The following APOA1 variants were observed in gnomAD, a reference collection of about 807,000 sequenced individuals.
The protein encoded by APOA1 is apolipoprotein A-I.
A neutral mutation model predicts 25.9 loss-of-function variants in APOA1; 22 were observed. That is an observed-to-expected ratio of 0.85 (90% confidence interval 0.61 to 1.21). APOA1 has a LOEUF of 1.21. Among genes scored for constraint, APOA1 ranks in the 50% most tolerant of loss-of-function variants. The pLI is 0.00. For synonymous variants in APOA1, 163 were observed against 152.2 expected, an observed-to-expected ratio of 1.07 and a Z score of -0.52; for missense variants, 351 against 347.9, an observed-to-expected ratio of 1.01 and a Z score of -0.07.
In APOA1 at chr11:116,837,399, G is replaced by A. The variant is rs781068686; in HGVS notation, c.-12C>T. ...ACCGCAGCTTTCATCCTGAAGGGCC[G>A]TGGGGGACCTGGAGGAGAAGAAGGG... On this transcript the variant is annotated 5_prime_UTR_variant, in exon 2 of 4. The change creates a new upstream start codon in the 5' untranslated region. Coordinates refer to ENST00000236850, the MANE Select transcript of APOA1 (RefSeq NM_000039.3). 1.8e-5 allele frequency: 28 copies of A among 1,556,244 alleles called. No homozygotes were observed. Among genetic ancestry groups the A allele is most frequent in the Non-Finnish European group, 2.3e-5 (26 of 1,149,580 alleles).
rs565203809 is a variant in APOA1, at chr11:116,836,399, A to C, written c.213T>G (p.Leu71=). The C allele has an allele frequency of 7.4e-6, 12 of 1,613,902 alleles. No individual in the cohort carries two copies. Among genetic ancestry groups the C allele is most frequent in the East Asian group, 4.5e-5 (2 of 44,880 alleles). Residue 71 remains leucine (L), a synonymous_variant, in exon 4 of 4, where the codon CTT becomes CTG. Transcript: ENST00000236850. The part of the protein sequence containing the change: ...ALGKQLNLKL[L]DNWDSVTSTF... ...TGGAGGTCACGCTGTCCCAGTTGTCAAGGAGCTTTAGGCTGGAGGGTGAGA... is the reference window on the plus strand; with the variant it reads ...TGGAGGTCACGCTGTCCCAGTTGTCCAGGAGCTTTAGGCTGGAGGGTGAGA...
At chr11:116,837,283 G>C in intron 2 of APOA1, 62 bp downstream of exon 2, 1 of 1,591,238 alleles carries the variant, frequency 6.3e-7, no homozygotes, top group South Asian at 1.1e-5. Flanking sequence ...AGGAGGGTGG[G>C]CCACGGGGAT....
Position 116,836,253 on chromosome 11 carries a change from T to C in APOA1, c.359A>G (p.Lys120Arg). The C allele has an allele frequency of 6.2e-7, 1 of 1,614,192 alleles. No homozygotes were observed. Among genetic ancestry groups the C allele is most frequent in the East Asian group, 2.2e-5 (1 of 44,876 alleles). The part of the protein sequence containing the change: ...MSKDLEEVKA[K>R]VQPYLDDFQK... ...GAAGTCGTCCAGGTAGGGCTGCACC[T>C]TGGCCTTCACCTCCTCCAGATCCTT... Residue 120 changes from lysine (K) to arginine (R), a missense_variant, in exon 4 of 4, where the codon AAG becomes AGG. Physicochemically the swap from Lys to Arg is conservative, Grantham distance 26. Coordinates refer to ENST00000236850, the MANE Select transcript of APOA1 (RefSeq NM_000039.3).
At chr11:116,837,201 G>C in intron 2 of APOA1, 44 bp from the exon 3 acceptor site, 1 of 1,608,742 alleles carries the variant, frequency 6.2e-7, no homozygotes. Flanking sequence ...GCTGTGGGCT[G>C]AGATCTGAGC....
In APOA1 at chr11:116,836,040, C is replaced by T. The variant is rs1941534953; in HGVS notation, c.572G>A (p.Ser191Asn). The change falls in exon 4 of 4, where the codon AGC becomes AAC. Residue 191 changes from serine to asparagine, a missense_variant. Coordinates refer to ENST00000236850, the MANE Select transcript of APOA1 (RefSeq NM_000039.3). ...GGCCAAGCGCTGGCGCAGCTCGTCG[C>T]TGTAGGGGGCCAGATGCGTGCGCAG... ...DALRTHLAPY[S>N]DELRQRLAAR... 2.5e-6 allele frequency: 4 copies of T among 1,605,990 alleles called. No individual in the cohort carries two copies. Among genetic ancestry groups the T allele is most frequent in the Non-Finnish European group, 2.5e-6 (3 of 1,179,402 alleles).
Position 116,837,117 on chromosome 11 carries a change from G to A in APOA1, c.84C>T (p.Pro28=), listed in dbSNP as rs369066087. Residue 28 remains proline (P), a synonymous_variant, in exon 3 of 4, where the codon CCC becomes CCT. Transcript: ENST00000236850. The part of the protein sequence containing the change: ...ARHFWQQDEP[P]QSPWDRVKDL... ...CCTTCACTCGATCCCAGGGGCTCTGGGGGGGTTCATCTTGCTGCCAGAAAT... is the reference window on the plus strand; with the variant it reads ...CCTTCACTCGATCCCAGGGGCTCTGAGGGGGTTCATCTTGCTGCCAGAAAT... 8.7e-6 allele frequency: 14 copies of A among 1,613,640 alleles called. No individual in the cohort carries two copies. Among genetic ancestry groups the A allele is most frequent in the African/African-American group, 5.3e-5 (4 of 74,926 alleles).
intron 3 of APOA1, 144 bp from the exon 4 acceptor site, chr11:116,836,555 G>T: frequency 8.6e-7 from 1 of 1,163,008 alleles, no homozygotes; most frequent in Non-Finnish European, 1.2e-6. Context: ...GCCCCGCCAG[G>T]CCATGCCCCG....
chr11:116,836,116 T>C lies in APOA1; in HGVS notation c.496A>G (p.Ser166Gly). Reference protein sequence around the residue: ...QKLHELQEKLSPLGEEMRDRA... With the variant: ...QKLHELQEKLGPLGEEMRDRA... ...TCGCGCATCTCCTCGCCCAGTGGGCTCAGCTTCTCTTGCAGCTCGTGCAGC... is the reference window on the plus strand; with the variant it reads ...TCGCGCATCTCCTCGCCCAGTGGGCCCAGCTTCTCTTGCAGCTCGTGCAGC... Residue 166 changes from serine to glycine, a missense_variant, in exon 4 of 4, where the codon AGC (serine) becomes GGC (glycine). Transcript: ENST00000236850. 6.2e-7 allele frequency: 1 copy of C among 1,612,134 alleles called. No homozygotes were observed. The highest frequency in any genetic ancestry group is 8.5e-7 in the Non-Finnish European group (1 of 1,179,934).
rs1941547477 is a variant in APOA1, at chr11:116,836,304, G to A, written c.308C>T (p.Thr103Ile). The stretch of plus-strand genomic sequence containing the variant: ...GCTCATCTCCTGCCTCAGGCCCTCT[G>A]TCTCCTTTTCCAGGTTATCCCAGAA... ...QEFWDNLEKE[T>I]EGLRQEMSKD... is the part of the protein sequence containing the mutation. The change falls in exon 4 of 4, where the codon ACA becomes ATA. Residue 103 changes from threonine to isoleucine, a missense_variant. Transcript: ENST00000236850. 1.2e-6 allele frequency: 2 copies of A among 1,614,182 alleles called. No homozygotes were observed. The highest frequency in any genetic ancestry group is 2.2e-5 in the East Asian group (1 of 44,870).
In APOA1 at chr11:116,835,798, G is replaced by A; in HGVS notation, c.*10C>T. The A allele has an allele frequency of 6.2e-7, 1 of 1,613,048 alleles. No individual in the cohort carries two copies. Among genetic ancestry groups the A allele is most frequent in the Non-Finnish European group, 8.5e-7 (1 of 1,180,000 alleles). ...TCTGAGCACCGGGAAGGGGGGCGGC[G>A]GCGGGCGCCTCACTGGGTGTTGAGC... On this transcript the variant is annotated 3_prime_UTR_variant, in exon 4 of 4. Coordinates refer to ENST00000236850, the MANE Select transcript of APOA1 (RefSeq NM_000039.3).
Position 116,837,114 on chromosome 11 carries a change from C to CT in APOA1, c.86dup (p.Ser30GlufsTer29). 1 of 1,613,840 alleles carries CT rather than the reference C, an allele frequency of 6.2e-7. No individual in the cohort carries two copies. The highest frequency in any genetic ancestry group is 8.5e-7 in the Non-Finnish European group (1 of 1,179,844). On this transcript the variant is annotated frameshift_variant, in exon 3 of 4. Coordinates refer to ENST00000236850, the MANE Select transcript of APOA1 (RefSeq NM_000039.3). LOFTEE classifies it high-confidence loss of function. The stretch of plus-strand genomic sequence containing the variant: ...GGTCCTTCACTCGATCCCAGGGGCT[C>CT]TGGGGGGGTTCATCTTGCTGCCAGA...
chr11:116,836,926 G>T, intron 3 of APOA1, 75 bp downstream of exon 3: 1 of 1,525,952 alleles, frequency 6.6e-7, no homozygotes, highest in Non-Finnish European at 9.0e-7. Context: ...TGAGGACTCG[G>T]CCAGTCTGGC....
intron 3 of APOA1, 99 bp downstream of exon 3, chr11:116,836,902 C>T (rs1365862350): frequency 4.5e-6 from 6 of 1,346,884 alleles, no homozygotes; most frequent in Admixed American, 3.4e-5. Flanking sequence ...GGGCCCAGCT[C>T]ATCAGATATT....
rs140770089 is a variant in APOA1, at chr11:116,836,050, C to A, written c.562G>T (p.Ala188Ser). The A allele has an allele frequency of 8.1e-4, 1,301 of 1,605,380 alleles. 2 individuals are homozygous for A. The highest frequency in any genetic ancestry group is 1.0e-3 in the Non-Finnish European group (1,211 of 1,178,792). ...TGGCGCAGCTCGTCGCTGTAGGGGG[C>A]CAGATGCGTGCGCAGCGCGTCCACA... Reference protein sequence around the residue: ...AHVDALRTHLAPYSDELRQRL... With the variant: ...AHVDALRTHLSPYSDELRQRL... Residue 188 changes from alanine (A) to serine (S), a missense_variant, in exon 4 of 4, where the codon GCC (alanine) becomes TCC (serine). Physicochemically the swap from Ala to Ser is moderately conservative, Grantham distance 99. Transcript: ENST00000236850.
At position 116,835,812 on chromosome 11, in the gene APOA1, T is replaced by C; in HGVS notation, c.800A>G (p.Gln267Arg). The change falls in exon 4 of 4, where the codon CAG becomes CGG. Residue 267 changes from glutamine (Q) to arginine (R), a missense_variant. Gln to Arg is a conservative substitution (Grantham distance 43, BLOSUM62 1). Coordinates refer to ENST00000236850, the MANE Select transcript of APOA1 (RefSeq NM_000039.3). ...LEEYTKKLNT[Q>R] ...AGGGGGGCGGCGGCGGGCGCCTCAC[T>C]GGGTGTTGAGCTTCTTAGTGTACTC... 1.2e-6 allele frequency: 2 copies of C among 1,613,068 alleles called. No homozygotes were observed. Among genetic ancestry groups the C allele is most frequent in the Non-Finnish European group, 8.5e-7 (1 of 1,180,018 alleles).
At chr11:116,836,710 A>G (rs1373098097) in intron 3 of APOA1, among the ~76,000 whole-genome samples, 4 of 152,228 alleles carry the variant, frequency 2.6e-5, no homozygotes, top group Non-Finnish European at 5.9e-5. Flanking sequence ...AAGACAGCCC[A>G]CAGTCTTGCT....
In APOA1 at chr11:116,837,164, G is replaced by T. The variant is rs772520968; in HGVS notation, c.44-7C>A. The T allele has an allele frequency of 1.2e-6, 2 of 1,610,848 alleles. No homozygotes were observed. The highest frequency in any genetic ancestry group is 1.7e-5 in the Admixed American group (1 of 59,928). On this transcript the variant is annotated splice_region_variant and splice_polypyrimidine_tract_variant and intron_variant, in intron 2 of 3. Transcript: ENST00000236850. ...AAATGCCGAGCCTGGCTCCCTGAGG[G>T]TGGGAGGGGAGACCCAGATCAGGCC...
At position 116,837,425 on chromosome 11, in the gene APOA1, C is replaced by T. The variant is rs1385481363; in HGVS notation, c.-20-18G>A. 1 of 1,552,564 alleles carries T rather than the reference C, an allele frequency of 6.4e-7. No homozygotes were observed. Among genetic ancestry groups the T allele is most frequent in the Non-Finnish European group, 8.7e-7 (1 of 1,147,620 alleles). The stretch of plus-strand genomic sequence containing the variant: ...TGGGGGACCTGGAGGAGAAGAAGGG[C>T]CTGGCTGAGTGGGGTGCCTTCAGCA... On this transcript the variant is annotated intron_variant, in intron 1 of 3. Coordinates refer to ENST00000236850, the MANE Select transcript of APOA1 (RefSeq NM_000039.3).
Position 116,837,337 on chromosome 11 carries a change from A to G in APOA1, c.43+8T>C. On this transcript the variant is annotated splice_region_variant and intron_variant, in intron 2 of 3. Coordinates refer to ENST00000236850, the MANE Select transcript of APOA1 (RefSeq NM_000039.3). Reference sequence around the variant, plus strand: ...GATGGTTGGCTCCCTAGGTTAGGGGACACCTACCCGTCAGGAAGAGCACGG... The same window carrying G: ...GATGGTTGGCTCCCTAGGTTAGGGGGCACCTACCCGTCAGGAAGAGCACGG... 6.4e-7 allele frequency: 1 copy of G among 1,571,052 alleles called. No individual in the cohort carries two copies. Among genetic ancestry groups the G allele is most frequent in the Non-Finnish European group, 8.6e-7 (1 of 1,157,432 alleles).
Sources: allele counts gnomAD v4.1 joint callset (sites outside exome capture counted in the v4.1 genomes callset), GRCh38; gene constraint gnomAD v4.1.1; transcripts MANE v1.5; gene names NCBI Gene and HGNC (gene_info 2026-07-23, HGNC 2026-07-21).